MADD: variants seen among roughly 807,000 people sequenced by gnomAD.
The protein encoded by MADD is MAP kinase activating death domain.
In MADD, 109 loss-of-function variants were observed where a neutral mutation model predicts 176.7. The ratio of observed to expected loss-of-function variants is 0.62; its 90% CI spans 0.53 to 0.72. The LOEUF is 0.72. Among genes scored for constraint, MADD ranks in the 30% least tolerant of loss-of-function variants. The pLI is 0.00. For synonymous variants in MADD, 771 were observed against 771.3 expected (o/e 1.00, Z 0.01); for missense variants, 1,914 against 2,045.5 (o/e 0.94, Z 1.24).
rs1401422157 is a variant in MADD, at chr11:47,323,842, A to T, written c.4362+7A>T. 4 of 1,613,578 alleles carry T rather than the reference A, an allele frequency of 2.5e-6. No individual in the cohort carries two copies. In the African/African-American group the frequency reaches 5.3e-5, roughly 22 times the overall value. ...CAAGTTCTATACTAAAAAGGTACGC[A>T]GGATCTGTGTTTGGGTTGGGGCTAG... On this transcript the variant is annotated splice_region_variant and intron_variant, in intron 28 of 32. Transcript: ENST00000402192.
chr11:47,293,941 G>T, exon 20 of MADD: 1 of 1,614,220 alleles, frequency 6.2e-7, no homozygotes, highest in Non-Finnish European at 8.5e-7. Flanking sequence ...AAAAGTCCCA[G>T]ATCAGCGCAG....
chr11:47,308,690 G>A, exon 23 of MADD: 2 of 1,612,542 alleles, frequency 1.2e-6, no homozygotes, highest in Non-Finnish European at 1.7e-6. Flanking sequence ...TCTCTATGAG[G>A]GACTCCTAGG....
chr11:47,302,485 T>G (rs1161189481), intron 22 of MADD, among the ~76,000 whole-genome samples: 1 of 152,260 alleles, frequency 6.6e-6, no homozygotes, highest in Non-Finnish European at 1.5e-5. Context: ...GTGCTGGGAT[T>G]ACAGGCGTGA....
At chr11:47,274,970 C>T (rs1313796167) in exon 3 of MADD, 2 of 1,614,062 alleles carry the variant, frequency 1.2e-6, no homozygotes, top group African/African-American at 2.7e-5. Context: ...AACCAGTCTC[C>T]TCGGGGCAAA....
chr11:47,299,659 A>G (rs1235067277), intron 22 of MADD, among the ~76,000 whole-genome samples: 2 of 101,022 alleles, frequency 2.0e-5, no homozygotes, highest in African/African-American at 8.2e-5. Flanking sequence ...TCTCCCGAGT[A>G]GCTGGGACTG....
intron 27 of MADD, among the ~76,000 whole-genome samples, chr11:47,320,091 G>A (rs2141780807): frequency 6.8e-6 from 1 of 147,328 alleles, no homozygotes; most frequent in South Asian, 2.1e-4. Flanking sequence ...TTCTTTAATG[G>A]ATGCTTAGCC....
chr11:47,327,564 C>T (rs2095587246), intron 31 of MADD: 1 of 985,428 alleles, frequency 1.0e-6, no homozygotes, highest in Non-Finnish European at 1.2e-6. Flanking sequence ...CCTTTCTCCC[C>T]TACCCTCTTT....
At chr11:47,320,591 C>T (rs1166642109) in intron 27 of MADD, among the ~76,000 whole-genome samples, 1 of 152,048 alleles carries the variant, frequency 6.6e-6, no homozygotes, top group African/African-American at 2.4e-5. Context: ...TTGAGACCAG[C>T]CTGGGCAACA....
intron 6 of MADD, 64 bp downstream of exon 6, chr11:47,278,342 A>C (rs1056171201): frequency 1.8e-5 from 21 of 1,177,386 alleles, no homozygotes; most frequent in Middle Eastern, 1.9e-4. Flanking sequence ...CCCAGTCCTG[A>C]GATATCTGTT....
At chr11:47,307,389 A>C (rs2083691471) in intron 22 of MADD, among the ~76,000 whole-genome samples, 2 of 152,314 alleles carry the variant, frequency 1.3e-5, no homozygotes, top group African/African-American at 2.4e-5. Context: ...CTGGTGAGCA[A>C]GGGCTCTTTA....
At chr11:47,287,431 A>T (rs1027371800) in intron 15 of MADD, among the ~76,000 whole-genome samples, 1 of 152,198 alleles carries the variant, frequency 6.6e-6, no homozygotes, top group African/African-American at 2.4e-5. Context: ...TTTCTGAGAC[A>T]GTGTCACTCC....
chr11:47,299,533 A>AGTTTATT (rs755962959), intron 22 of MADD, among the ~76,000 whole-genome samples: 119 of 128,986 alleles, frequency 9.2e-4, no homozygotes, highest in Non-Finnish European at 1.1e-3. Flanking sequence ...GTATCCTGCA[A>AGTTTATT]GTTTATTGAA....
chr11:47,291,820 AC>A (rs2065577932), intron 19 of MADD, among the ~76,000 whole-genome samples: 1 of 152,202 alleles, frequency 6.6e-6, no homozygotes, highest in Admixed American at 6.5e-5. Flanking sequence ...AGGAAATCAT[AC>A]TAAGTACACT....
chr11:47,276,807 G>A, exon 5 of MADD: 1 of 1,614,170 alleles, frequency 6.2e-7, no homozygotes, highest in Non-Finnish European at 8.5e-7. Context: ...CTACCCACTG[G>A]AGTATATGTT....
chr11:47,299,516 T>C (rs1303315802), intron 22 of MADD, among the ~76,000 whole-genome samples: 1 of 151,812 alleles, frequency 6.6e-6, no homozygotes. Context: ...ATTTTTATGT[T>C]GATTTTGTAT....
In MADD at chr11:47,276,868, G is replaced by A; in HGVS notation, c.1095+5G>A. On this transcript the variant is annotated splice_donor_5th_base_variant and intron_variant, in intron 5 of 32. Transcript: ENST00000402192. ...TGCATGGCATCAGCAGAGCAGGTGA[G>A]TCTCAAGGCGACTTCCGGCTTTCTC... 1 of 1,613,790 alleles carries A rather than the reference G, an allele frequency of 6.2e-7. No homozygotes were observed. Among genetic ancestry groups the A allele is most frequent in the Non-Finnish European group, 8.5e-7 (1 of 1,179,904 alleles).
chr11:47,324,943 C>T, intron 30 of MADD: 1 of 595,736 alleles, frequency 1.7e-6, no homozygotes, highest in East Asian at 2.8e-5. Flanking sequence ...GGTGGTTTTG[C>T]TTTGAGAGTC....
At chr11:47,278,401 C>T (rs999390383) in intron 6 of MADD, 123 bp downstream of exon 6, 42 of 715,324 alleles carry the variant, frequency 5.9e-5, no homozygotes, top group Non-Finnish European at 8.9e-5. Flanking sequence ...ATTTCTATTG[C>T]GAGACTTACT....
chr11:47,291,229 C>G (rs2064982725), intron 19 of MADD, among the ~76,000 whole-genome samples: 2 of 152,202 alleles, frequency 1.3e-5, no homozygotes, highest in African/African-American at 4.8e-5. Flanking sequence ...GTCCTCCCAT[C>G]CAACCATTAT....
Sources: allele counts gnomAD v4.1 joint callset (sites outside exome capture counted in the v4.1 genomes callset), GRCh38; gene constraint gnomAD v4.1.1; transcripts MANE v1.5; gene names NCBI Gene and HGNC (gene_info 2026-07-23, HGNC 2026-07-21).